DLC1: variants seen among roughly 807,000 people sequenced by gnomAD.
DLC1 encodes rho GTPase-activating protein 7.
DLC1 carries 54 observed loss-of-function variants against 140.3 expected under a neutral mutation model. The observed-to-expected ratio is 0.38, with a 90% CI of 0.31 to 0.48. The LOEUF is 0.48. DLC1 is among the 20% of genes least tolerant of loss of function. The pLI is 0.96. For missense variants in DLC1, 2,536 were observed against 1,907.0 expected (o/e 1.33, Z -6.14); for synonymous variants, 986 against 728.1 (o/e 1.35, Z -5.70).
At position 13,091,303 on chromosome 8, in the gene DLC1, T is replaced by C. The variant is rs1417186961; in HGVS notation, c.3855+15A>G. 1.1e-5 allele frequency: 17 copies of C among 1,613,210 alleles called. No homozygotes were observed. Among genetic ancestry groups the C allele is most frequent in the Non-Finnish European group, 1.4e-5 (17 of 1,179,610 alleles). On this transcript the variant is annotated intron_variant, in intron 14 of 17. Coordinates refer to ENST00000276297, the MANE Select transcript of DLC1 (RefSeq NM_182643.3). ...ATTATCCTTAATAAAGGAGCCAAAC[T>C]TCTCAATTCCTTACCTGGAAAAGCT...
At chr8:13,420,711 C>G (rs1585078490) in intron 2 of DLC1, among the ~76,000 whole-genome samples, 1 of 152,220 alleles carries the variant, frequency 6.6e-6, no homozygotes, top group African/African-American at 2.4e-5. Flanking sequence ...CAGCTTCATC[C>G]ATGTCCCTGC....
chr8:13,325,466 A>T lies in DLC1; in HGVS notation c.1315-20164T>A, dbSNP rs1833300655. Among the ~76,000 whole-genome samples, 3 of 131,676 alleles carry T rather than the reference A, an allele frequency of 2.3e-5. No homozygotes were observed. The South Asian group carries it at 7.6e-4, about 33-fold the overall frequency. 86.4% of individuals were successfully genotyped at this position (131,676 alleles called of 152,430 possible). A position where few individuals can be genotyped will look rare whatever the true frequency, so the allele number is the denominator to read the frequency against. ...GTTCTGTATACACACACACACACAC[A>T]CACACACACACACAGAAAATCTCAC... On this transcript the variant is annotated intron_variant, in intron 4 of 17. Coordinates refer to ENST00000276297, the MANE Select transcript of DLC1 (RefSeq NM_182643.3).
At chr8:13,446,757 A>G (rs1230154182) in intron 2 of DLC1, among the ~76,000 whole-genome samples, 1 of 152,186 alleles carries the variant, frequency 6.6e-6, no homozygotes, top group East Asian at 1.9e-4. Flanking sequence ...CCTGGCCAAC[A>G]TGGTGAAACC....
intron 4 of DLC1, among the ~76,000 whole-genome samples, chr8:13,373,468 C>G (rs970134696): frequency 2.1e-4 from 32 of 152,108 alleles, no homozygotes; most frequent in African/African-American, 7.7e-4. Context: ...TAGTTAAACC[C>G]AGTTGTCCTG....
At position 13,101,332 on chromosome 8, in the gene DLC1, C is replaced by CT. The variant is rs1819071985; in HGVS notation, c.1567-563dup. 2.0e-5 allele frequency among the ~76,000 whole-genome samples: 3 copies of CT among 152,198 alleles called. 1 individual carries two copies. In the South Asian group the frequency reaches 6.2e-4, roughly 32 times the overall value. ...GAAACTCTGGGATCCATAGGCTGTT[C>CT]TTTAATTGCTCATAGAGGAAACCTC... On this transcript the variant is annotated intron_variant, in intron 8 of 17. Coordinates refer to ENST00000276297, the MANE Select transcript of DLC1 (RefSeq NM_182643.3).
At chr8:13,509,576 C>A (rs533431880) in intron 1 of DLC1, among the ~76,000 whole-genome samples, 7 of 152,226 alleles carry the variant, frequency 4.6e-5, no homozygotes, top group African/African-American at 1.4e-4. Flanking sequence ...GTAAAAACAT[C>A]CTTCAATTAA....
At chr8:13,159,581 T>C (rs564380926) in intron 5 of DLC1, among the ~76,000 whole-genome samples, 1 of 152,256 alleles carries the variant, frequency 6.6e-6, no homozygotes, top group South Asian at 2.1e-4. Flanking sequence ...ACCTCAATTA[T>C]AAACCCAGAC....
chr8:13,581,906 A>G (rs920268329), intron 1 of DLC1, among the ~76,000 whole-genome samples: 1 of 152,190 alleles, frequency 6.6e-6, no homozygotes, highest in Non-Finnish European at 1.5e-5. Flanking sequence ...AAGTCCACGC[A>G]TCAAAGGCAG....
chr8:13,237,426 A>G (rs547913656), intron 5 of DLC1, among the ~76,000 whole-genome samples: 132 of 151,830 alleles, frequency 8.7e-4, no homozygotes, highest in Non-Finnish European at 1.7e-3. Flanking sequence ...GAGTTCATAT[A>G]TATATTCTTT....
chr8:13,086,154 A>C (rs537665943), intron 17 of DLC1, 136 bp downstream of exon 17: 59 of 1,352,498 alleles, frequency 4.4e-5, no homozygotes, highest in Non-Finnish European at 5.7e-5. Context: ...ATGAAATGCT[A>C]CTTTCTAAAC....
At chr8:13,367,721 C>A (rs1049346924) in intron 4 of DLC1, among the ~76,000 whole-genome samples, 1 of 152,096 alleles carries the variant, frequency 6.6e-6, no homozygotes, top group Admixed American at 6.6e-5. Context: ...TTATTCTTCT[C>A]TTTTGTGTTT....
chr8:13,135,281 C>T lies in DLC1; in HGVS notation c.1349-19624G>A, dbSNP rs188820324. On this transcript the variant is annotated intron_variant, in intron 5 of 17. Transcript: ENST00000276297. ...GTGCAGTGACACGATCTCGGGTTCA[C>T]GCCATTCTCCTGCCTCAGCCTCCCG... Among the ~76,000 whole-genome samples the T allele has an allele frequency of 2.4e-3, 359 of 150,252 alleles. 2 individuals carry two copies. The highest frequency in any genetic ancestry group is 5.4e-3 in the Admixed American group (81 of 15,044).
intron 5 of DLC1, among the ~76,000 whole-genome samples, chr8:13,241,688 C>A (rs568208509): frequency 2.6e-5 from 4 of 152,174 alleles, no homozygotes; most frequent in Non-Finnish European, 5.9e-5. Context: ...CAAAGGATGC[C>A]GGTTGAGAAT....
intron 5 of DLC1, among the ~76,000 whole-genome samples, chr8:13,221,630 C>T (rs573724455): frequency 6.7e-6 from 1 of 149,890 alleles, no homozygotes; most frequent in South Asian, 2.1e-4. Flanking sequence ...CTTGGCCTCC[C>T]AAAGTGCTGG....
intron 2 of DLC1, among the ~76,000 whole-genome samples, chr8:13,472,729 C>G (rs1206840178): frequency 2.6e-5 from 4 of 152,108 alleles, no homozygotes; most frequent in Non-Finnish European, 5.9e-5. Context: ...GGAGGGATTC[C>G]CCATTCAGAA....
chr8:13,192,323 C>A (rs751495910), intron 5 of DLC1, among the ~76,000 whole-genome samples: 1 of 151,964 alleles, frequency 6.6e-6, no homozygotes, highest in South Asian at 2.1e-4. Flanking sequence ...TTGGGTGATG[C>A]CCTTTTTAAA....
At chr8:13,164,901 T>G (rs1824987811) in intron 5 of DLC1, among the ~76,000 whole-genome samples, 1 of 152,182 alleles carries the variant, frequency 6.6e-6, no homozygotes, top group Non-Finnish European at 1.5e-5. Flanking sequence ...TAGCAGAGAT[T>G]GTGAATCTCC....
intron 4 of DLC1, chr8:13,342,898 A>G (rs538755466): frequency 2.7e-5 from 4 of 149,930 alleles, no homozygotes; most frequent in Non-Finnish European, 5.9e-5. Context: ...TTCTCTGGAG[A>G]ATCCTAATAC....
chr8:13,135,560 T>C (rs1822502821), intron 5 of DLC1, among the ~76,000 whole-genome samples: 1 of 149,336 alleles, frequency 6.7e-6, no homozygotes, highest in Non-Finnish European at 1.5e-5. Context: ...CAGTGTAATA[T>C]TCAAACTTAA....
Sources: gnomAD v4.1 joint callset for allele counts (sites outside exome capture counted in the v4.1 genomes callset) on GRCh38, gnomAD v4.1.1 for gene constraint, MANE v1.5 for transcripts, NCBI Gene and HGNC (gene_info 2026-07-23, HGNC 2026-07-21) for gene names.